Variants in FOXP1 observed in about 807,000 individuals in gnomAD.
FOXP1 encodes forkhead box protein P1.
In FOXP1, 15 loss-of-function variants were observed where a neutral mutation model predicts 98.2. The ratio of observed to expected loss-of-function variants is 0.15; its 90% CI spans 0.10 to 0.24. The LOEUF (loss-of-function observed/expected upper bound fraction) is 0.24, where lower values mean the gene tolerates loss of function less well. Ranked by LOEUF, FOXP1 falls within the 10% of genes least tolerant of loss-of-function variation. The probability of loss-of-function intolerance (pLI) is 1.00; values close to 1 mark genes in which losing one functional copy is unlikely to be tolerated. For synonymous variants in FOXP1, 371 were observed against 314.5 expected, an observed-to-expected ratio of 1.18 and a Z score of -1.90; for missense variants, 633 against 848.5, an observed-to-expected ratio of 0.75 and a Z score of 3.15.
At chr3:70,973,132 C>T (rs1004651268) in intron 17 of FOXP1, among the ~76,000 whole-genome samples, 87 of 152,262 alleles carry the variant, frequency 5.7e-4, no homozygotes, top group African/African-American at 2.0e-3. Context: ...TGGCTTCTGG[C>T]TTTTAAAACT....
At chr3:70,964,949 A>AT (rs2034425194) in intron 20 of FOXP1, among the ~76,000 whole-genome samples, 1 of 152,214 alleles carries the variant, frequency 6.6e-6, no homozygotes, top group Admixed American at 6.5e-5. Flanking sequence ...GATCACTTAA[A>AT]TTATCTTAAA....
intron 5 of FOXP1, among the ~76,000 whole-genome samples, chr3:71,221,630 G>A (rs772590337): frequency 4.6e-5 from 7 of 151,894 alleles, no homozygotes; most frequent in South Asian, 2.1e-4. Context: ...CATCTCTACC[G>A]CCTCCCGCAT....
At chr3:71,006,776 T>A (rs995681091) in intron 12 of FOXP1, among the ~76,000 whole-genome samples, 3 of 152,186 alleles carry the variant, frequency 2.0e-5, no homozygotes, top group Admixed American at 6.6e-5. Context: ...CATGCACATA[T>A]GCAGTTATAT....
intron 7 of FOXP1, among the ~76,000 whole-genome samples, chr3:71,103,962 A>G (rs1022817432): frequency 6.6e-6 from 1 of 152,120 alleles, no homozygotes; most frequent in African/African-American, 2.4e-5. Flanking sequence ...CCCCCCCCAA[A>G]AAAAGAGAGA....
chr3:71,543,957 T>C lies in FOXP1; in HGVS notation c.-298+37592A>G, dbSNP rs571997579. 3.1e-4 allele frequency among the ~76,000 whole-genome samples: 47 copies of C among 151,320 alleles called. No homozygotes were observed. In the South Asian group the frequency reaches 7.1e-3, roughly 23 times the overall value. ...TGAAATTCTCTTATTTACTATATGC[T>C]GTGCCTGTGTGTGTTTACACACTAT... On this transcript the variant is annotated intron_variant, in intron 2 of 20. Transcript: ENST00000649528.
At chr3:71,171,849 G>T (rs536536668) in intron 6 of FOXP1, among the ~76,000 whole-genome samples, 12 of 152,186 alleles carry the variant, frequency 7.9e-5, no homozygotes, top group Non-Finnish European at 1.6e-4. Context: ...TGTCCTTCAG[G>T]ACGTGTGTCT....
intron 11 of FOXP1, among the ~76,000 whole-genome samples, chr3:71,035,685 G>C (rs146060349): frequency 4.3e-4 from 66 of 152,202 alleles, no homozygotes; most frequent in African/African-American, 1.6e-3. Flanking sequence ...TCTCCAAAAT[G>C]CTCTAACGGG....
At chr3:71,279,192 A>AAAAAC (rs368277709) in intron 5 of FOXP1, among the ~76,000 whole-genome samples, 63 of 139,422 alleles carry the variant, frequency 4.5e-4, no homozygotes, top group African/African-American at 1.4e-3. Context: ...AAAAAAAAAA[A>AAAAAC]AGAAAGAAAT....
intron 5 of FOXP1, among the ~76,000 whole-genome samples, chr3:71,248,812 G>C (rs2067963728): frequency 6.6e-6 from 1 of 152,098 alleles, no homozygotes; most frequent in African/African-American, 2.4e-5. Context: ...GCTCCTCATA[G>C]TTATGGTTCA....
At chr3:71,563,687 G>A (rs964679838) in intron 2 of FOXP1, among the ~76,000 whole-genome samples, 6 of 152,188 alleles carry the variant, frequency 3.9e-5, no homozygotes, top group African/African-American at 1.2e-4. Flanking sequence ...AAACCCAGAG[G>A]AGACTTTGTA....
At chr3:71,220,100 C>A in intron 5 of FOXP1, among the ~76,000 whole-genome samples, 1 of 152,310 alleles carries the variant, frequency 6.6e-6, no homozygotes, top group South Asian at 2.1e-4. Context: ...AAGTTTTATA[C>A]TAAACTCTTG....
At chr3:71,303,486 T>G (rs1377567767) in intron 4 of FOXP1, among the ~76,000 whole-genome samples, 1 of 152,202 alleles carries the variant, frequency 6.6e-6, no homozygotes, top group Non-Finnish European at 1.5e-5. Context: ...TTGCAAAAAC[T>G]GGTCCAAATA....
intron 7 of FOXP1, among the ~76,000 whole-genome samples, chr3:71,087,422 C>T (rs116190116): frequency 2.0e-3 from 311 of 152,318 alleles, no homozygotes; most frequent in Non-Finnish European, 3.5e-3. Context: ...TAAACGGCAT[C>T]GAGCCGCATC....
At chr3:71,518,683 A>G (rs1467992759) in intron 2 of FOXP1, among the ~76,000 whole-genome samples, 2 of 152,246 alleles carry the variant, frequency 1.3e-5, no homozygotes, top group Non-Finnish European at 2.9e-5. Context: ...GTCTGAAACA[A>G]TGCTTGCAAG....
chr3:71,272,160 T>TTA (rs2070427934), intron 5 of FOXP1, among the ~76,000 whole-genome samples: 1 of 152,184 alleles, frequency 6.6e-6, no homozygotes, highest in African/African-American at 2.4e-5. Flanking sequence ...CAAGGCAGTA[T>TTA]TATATCTGTC....
chr3:71,071,980 A>C (rs2053297619), intron 7 of FOXP1, among the ~76,000 whole-genome samples: 3 of 152,170 alleles, frequency 2.0e-5, no homozygotes, highest in Admixed American at 2.0e-4. Context: ...TTAGCAAAGG[A>C]CTAATCTCTA....
At chr3:71,061,827 T>C (rs2051532872) in intron 7 of FOXP1, among the ~76,000 whole-genome samples, 1 of 152,208 alleles carries the variant, frequency 6.6e-6, no homozygotes, top group Admixed American at 6.5e-5. Flanking sequence ...ACCTTCGTTT[T>C]TGCCAATTCA....
chr3:71,425,689 TG>T (rs561942136), intron 3 of FOXP1, among the ~76,000 whole-genome samples: 2 of 150,772 alleles, frequency 1.3e-5, no homozygotes, highest in African/African-American at 2.4e-5. Flanking sequence ...ATTTTAAAGG[TG>T]GGGGGGCTCT....
intron 1 of FOXP1, chr3:71,582,040 A>G (rs1056278352): frequency 1.0e-5 from 10 of 974,712 alleles, no homozygotes; most frequent in Non-Finnish European, 1.2e-5. Flanking sequence ...CTGTTTATTT[A>G]GTCCTTATTC....
Sources: gnomAD v4.1 joint callset for allele counts (sites outside exome capture counted in the v4.1 genomes callset) on GRCh38, gnomAD v4.1.1 for gene constraint, MANE v1.5 for transcripts, NCBI Gene and HGNC (gene_info 2026-07-23, HGNC 2026-07-21) for gene names.